CAP2: variants seen among roughly 807,000 people sequenced by gnomAD.
The protein encoded by CAP2 is cyclase associated actin cytoskeleton regulatory protein 2, also known as adenylyl cyclase-associated protein 2.
A neutral mutation model predicts 57.7 loss-of-function variants in CAP2; 24 were observed. The ratio of observed to expected loss-of-function variants is 0.42; its 90% CI spans 0.30 to 0.58. The LOEUF (loss-of-function observed/expected upper bound fraction) is 0.58. Ranked by LOEUF, CAP2 falls within the 20% of genes least tolerant of loss-of-function variation. The pLI, the probability that CAP2 is intolerant of heterozygous loss-of-function variation, is 0.22. For missense variants in CAP2, 501 were observed against 590.3 expected (o/e 0.85, Z 1.57); for synonymous variants, 194 against 207.2 (o/e 0.94, Z 0.55).
At chr6:17,415,091 A>T (rs1759240516) in intron 1 of CAP2, among the ~76,000 whole-genome samples, 1 of 152,178 alleles carries the variant, frequency 6.6e-6, no homozygotes, top group African/African-American at 2.4e-5. Flanking sequence ...TCTTAGATTC[A>T]TGATCTTCAG....
At chr6:17,525,729 A>T (rs1187199308) in intron 7 of CAP2, among the ~76,000 whole-genome samples, 1 of 152,118 alleles carries the variant, frequency 6.6e-6, no homozygotes, top group Non-Finnish European at 1.5e-5. Context: ...AGTTCCAAAA[A>T]CCCTACGAAA....
At chr6:17,540,756 AAACAAC>A (rs376461452) in intron 8 of CAP2, among the ~76,000 whole-genome samples, 4 of 152,098 alleles carry the variant, frequency 2.6e-5, no homozygotes, top group East Asian at 1.9e-4. Flanking sequence ...TCCATTTAAA[AAACAAC>A]AACAACAACA....
At chr6:17,454,842 A>G (rs1398557679) in intron 3 of CAP2, among the ~76,000 whole-genome samples, 2 of 152,220 alleles carry the variant, frequency 1.3e-5, no homozygotes, top group African/African-American at 2.4e-5. Context: ...GAGAACTTGG[A>G]AAGAATCAGG....
intron 3 of CAP2, among the ~76,000 whole-genome samples, chr6:17,431,371 A>G (rs73721535): frequency 0.02 from 2,983 of 152,270 alleles, 90 homozygotes; most frequent in African/African-American, 0.067. Flanking sequence ...AAGAACCACA[A>G]TTTGAACAAA....
At chr6:17,472,585 G>T (rs1348324567) in intron 4 of CAP2, among the ~76,000 whole-genome samples, 1 of 152,230 alleles carries the variant, frequency 6.6e-6, no homozygotes. Context: ...GCAAAAAGAA[G>T]GCTTTTTTCC....
intron 7 of CAP2, among the ~76,000 whole-genome samples, chr6:17,521,088 G>A (rs1008183880): frequency 1.3e-5 from 2 of 152,168 alleles, no homozygotes; most frequent in African/African-American, 4.8e-5. Context: ...TTCTCTTATG[G>A]AAGGGTTCCA....
intron 7 of CAP2, among the ~76,000 whole-genome samples, chr6:17,533,707 A>C (rs1204715974): frequency 2.0e-5 from 3 of 151,916 alleles, no homozygotes; most frequent in African/African-American, 7.3e-5. Flanking sequence ...TAGCTGGGAC[A>C]ACAGGCGTGT....
intron 3 of CAP2, among the ~76,000 whole-genome samples, chr6:17,451,120 A>G (rs1042208540): frequency 6.6e-6 from 1 of 151,956 alleles, no homozygotes; most frequent in African/African-American, 2.4e-5. Context: ...CCTTTATTAA[A>G]TCTCTTGTCT....
chr6:17,421,696 T>C lies in CAP2; in HGVS notation c.121+20T>C. On this transcript the variant is annotated intron_variant, in intron 2 of 12. Transcript: ENST00000229922. ...TTGCAGGTAGGGTCACAAACTGTTG[T>C]CATTCCTGGTCTTCTTGTGGGTTAC... The C allele has an allele frequency of 6.2e-7, 1 of 1,613,646 alleles. No individual in the cohort carries two copies. Among genetic ancestry groups the C allele is most frequent in the Non-Finnish European group, 8.5e-7 (1 of 1,179,522 alleles).
At chr6:17,461,182 A>G (rs1348788007) in intron 3 of CAP2, among the ~76,000 whole-genome samples, 1 of 137,058 alleles carries the variant, frequency 7.3e-6, no homozygotes, top group East Asian at 2.0e-4. Flanking sequence ...AAAACAAACA[A>G]AACAACAAAA....
intron 1 of CAP2, among the ~76,000 whole-genome samples, chr6:17,394,274 T>A (rs1758616673): frequency 6.6e-6 from 1 of 151,740 alleles, no homozygotes; most frequent in Non-Finnish European, 1.5e-5. Flanking sequence ...CTTGAGGCGA[T>A]GAGTCACTTC....
At chr6:17,401,953 G>A (rs1336203322) in intron 1 of CAP2, among the ~76,000 whole-genome samples, 1 of 152,174 alleles carries the variant, frequency 6.6e-6, no homozygotes, top group South Asian at 2.1e-4. Context: ...ATTTTAAAAA[G>A]AGACTTGTTA....
At chr6:17,405,394 A>C (rs1252266430) in intron 1 of CAP2, among the ~76,000 whole-genome samples, 2 of 152,202 alleles carry the variant, frequency 1.3e-5, no homozygotes, top group African/African-American at 4.8e-5. Context: ...AATTTAAAAA[A>C]GTTTAATGTA....
rs187103086 is a variant in CAP2, at chr6:17,418,085, G to C, written c.-1-3470G>C. Among the ~76,000 whole-genome samples, 90 of 152,232 alleles carry C rather than the reference G, an allele frequency of 5.9e-4. 1 individual carries two copies. Among genetic ancestry groups the C allele is most frequent in the Admixed American group, 4.8e-3 (73 of 15,290 alleles). On this transcript the variant is annotated intron_variant, in intron 1 of 12. Coordinates refer to ENST00000229922, the MANE Select transcript of CAP2 (RefSeq NM_006366.3). ...AAGAATTTGGAGAATCTGCAGCTCT[G>C]CTCTTTCCTCATTCTTGAGAGCCAG...
At chr6:17,544,982 C>T (rs540667913) in intron 11 of CAP2, among the ~76,000 whole-genome samples, 1 of 152,328 alleles carries the variant, frequency 6.6e-6, no homozygotes, top group South Asian at 2.1e-4. Context: ...CAAGGATGAT[C>T]ATGGTTCATA....
At chr6:17,543,994 G>A (rs1187389317) in intron 11 of CAP2, among the ~76,000 whole-genome samples, 1 of 151,824 alleles carries the variant, frequency 6.6e-6, no homozygotes, top group African/African-American at 2.4e-5. Context: ...GTGGGGTGGT[G>A]GGTGCCTGTA....
rs140348825 is a variant in CAP2 at position 17,477,849 on chromosome 6, T to G, written c.300+14776T>G. Among the ~76,000 whole-genome samples, 394 of 152,182 alleles carry G rather than the reference T, an allele frequency of 2.6e-3. 1 individual carries two copies. The highest frequency in any genetic ancestry group is 6.8e-3 in the Middle Eastern group (2 of 292). On this transcript the variant is annotated intron_variant, in intron 4 of 12. Coordinates refer to ENST00000229922, the MANE Select transcript of CAP2 (RefSeq NM_006366.3). Reference sequence around the variant, plus strand: ...ATCCTGTCATTTAGGTTGTTTCATGTAACTGTTAGTTTCTTCTTAATGATT... The same window carrying G: ...ATCCTGTCATTTAGGTTGTTTCATGGAACTGTTAGTTTCTTCTTAATGATT...
chr6:17,499,313 C>T (rs768480061), intron 4 of CAP2, among the ~76,000 whole-genome samples: 1 of 146,760 alleles, frequency 6.8e-6, no homozygotes, highest in Non-Finnish European at 1.5e-5. Context: ...GCAGGAGAAT[C>T]GCTTGAACCC....
intron 4 of CAP2, among the ~76,000 whole-genome samples, chr6:17,492,089 TCTTTGCAGGAACTGTGTTCTGTA>T (rs1243946840): frequency 6.6e-6 from 1 of 152,258 alleles, no homozygotes; most frequent in Non-Finnish European, 1.5e-5. Context: ...ACCTTACTGG[TCTTTGCAGGAACTGTGTTCTGTA>T]CTTTGCAGTA....
Sources: gnomAD v4.1 joint callset for allele counts (sites outside exome capture counted in the v4.1 genomes callset) on GRCh38, gnomAD v4.1.1 for gene constraint, MANE v1.5 for transcripts, NCBI Gene and HGNC (gene_info 2026-07-23, HGNC 2026-07-21) for gene names.